DOCK10: variants seen among roughly 807,000 people sequenced by gnomAD.
DOCK10 encodes the protein dedicator of cytokinesis protein 10.
Under a neutral mutation model 280.1 loss-of-function variants are expected in DOCK10, and 145 were observed. That is an observed-to-expected ratio of 0.52 (90% CI 0.45 to 0.59). DOCK10 has a LOEUF of 0.59. Ranked by LOEUF, DOCK10 falls within the 20% of genes least tolerant of loss-of-function variation. The probability of loss-of-function intolerance (pLI) is 0.00; values close to 1 mark genes in which losing one functional copy is unlikely to be tolerated. For missense variants in DOCK10, 2,368 were observed against 2,651.7 expected (o/e 0.89, Z 2.35); for synonymous variants, 915 against 942.2 (o/e 0.97, Z 0.53).
chr2:224,986,995 T>C (rs1422517318), intron 1 of DOCK10, among the ~76,000 whole-genome samples: 1 of 152,180 alleles, frequency 6.6e-6, no homozygotes, highest in Non-Finnish European at 1.5e-5. Context: ...AGGAGTCACC[T>C]TTGAAGTATC....
At chr2:224,936,509 A>G (rs985166119) in intron 1 of DOCK10, among the ~76,000 whole-genome samples, 3 of 152,174 alleles carry the variant, frequency 2.0e-5, no homozygotes, top group African/African-American at 7.2e-5. Flanking sequence ...GAAACAGTAA[A>G]TCATCATGGG....
chr2:224,770,527 C>A lies in DOCK10; in HGVS notation c.6305+18G>T. Reference sequence around the variant, plus strand: ...TCAGGAAGTTCAAGGAAGAACATCCCAACAGCGAGAAGCTTACCTGAAGAT... The same window carrying A: ...TCAGGAAGTTCAAGGAAGAACATCCAAACAGCGAGAAGCTTACCTGAAGAT... On this transcript the variant is annotated intron_variant, in intron 54 of 55. Coordinates refer to ENST00000258390, the MANE Select transcript of DOCK10 (RefSeq NM_014689.3). The surrounding 1 kb of genome is among the most constrained non-coding windows in gnomAD (Gnocchi z 4.5). The A allele has an allele frequency of 6.2e-7, 1 of 1,605,258 alleles. No homozygotes were observed. Among genetic ancestry groups the A allele is most frequent in the East Asian group, 2.2e-5 (1 of 44,818 alleles).
Position 224,819,508 on chromosome 2 carries a change from G to A in DOCK10, c.3205C>T (p.Arg1069Ter), listed in dbSNP as rs920286295. 6.2e-6 allele frequency: 10 copies of A among 1,605,432 alleles called. No individual in the cohort carries two copies. Among genetic ancestry groups the A allele is most frequent in the Non-Finnish European group, 6.0e-6 (7 of 1,176,190 alleles). Residue 1069 changes from arginine to a stop codon, truncating the protein, a stop_gained, in exon 29 of 56, where the codon CGA (arginine) becomes TGA (stop). Transcript: ENST00000258390. LOFTEE classifies it high-confidence loss of function. ...TTGACCATCTTAAACACATACCCTC[G>A]GTCCATAAATGTAAAGCAGCGCTAA... ...FLKRCFTFMD[R>*]GYVFKMVNNY...
At chr2:224,995,579 G>T (rs983532653) in intron 1 of DOCK10, among the ~76,000 whole-genome samples, 1 of 152,170 alleles carries the variant, frequency 6.6e-6, no homozygotes, top group African/African-American at 2.4e-5. Flanking sequence ...CGTAGCATAG[G>T]TGTCCACAGG....
chr2:224,894,623 G>A (rs963560231), intron 4 of DOCK10, among the ~76,000 whole-genome samples: 3 of 152,176 alleles, frequency 2.0e-5, no homozygotes, highest in African/African-American at 7.2e-5. Flanking sequence ...CTTAGGGTGT[G>A]GTAAACCTTC....
At chr2:224,771,929 T>A (rs548240192) in intron 53 of DOCK10, among the ~76,000 whole-genome samples, 3 of 151,980 alleles carry the variant, frequency 2.0e-5, no homozygotes, top group South Asian at 2.1e-4. Context: ...TTTTTTTTTT[T>A]TTATTTTTTG....
intron 1 of DOCK10, among the ~76,000 whole-genome samples, chr2:225,015,479 G>A (rs1007954057): frequency 6.6e-6 from 1 of 152,128 alleles, no homozygotes; most frequent in African/African-American, 2.4e-5. Context: ...TTCCTCATAT[G>A]TTCTGGGGTT....
intron 1 of DOCK10, among the ~76,000 whole-genome samples, chr2:225,036,031 C>T (rs964658556): frequency 6.6e-6 from 1 of 152,000 alleles, no homozygotes; most frequent in South Asian, 2.1e-4. Context: ...AGGACACAAA[C>T]GTTTAGTTCA....
chr2:224,959,295 C>T (rs748032388), intron 1 of DOCK10, among the ~76,000 whole-genome samples: 51 of 152,020 alleles, frequency 3.4e-4, no homozygotes, highest in Non-Finnish European at 1.0e-4. Flanking sequence ...AAACAGTAAT[C>T]TTTCTGGACT....
intron 22 of DOCK10, among the ~76,000 whole-genome samples, chr2:224,843,659 T>C (rs1050823263): frequency 6.6e-6 from 1 of 152,022 alleles, no homozygotes; most frequent in East Asian, 1.9e-4. Context: ...AAGCAAAAAA[T>C]GAAAAGCAGA....
intron 33 of DOCK10, chr2:224,807,110 G>GT (rs1553570837): frequency 1.3e-5 from 2 of 151,686 alleles, no homozygotes; most frequent in Non-Finnish European, 2.9e-5. Context: ...TTTGAAAAAG[G>GT]TAAAAAAAAA....
chr2:224,991,758 A>C (rs1377112803), intron 1 of DOCK10, among the ~76,000 whole-genome samples: 1 of 152,194 alleles, frequency 6.6e-6, no homozygotes, highest in African/African-American at 2.4e-5. Context: ...CAATCTGAGA[A>C]AATGGAAAAC....
intron 11 of DOCK10, among the ~76,000 whole-genome samples, chr2:224,871,116 C>T (rs749780116): frequency 5.3e-5 from 8 of 152,070 alleles, no homozygotes; most frequent in Non-Finnish European, 7.4e-5. Context: ...TGTGAGCCAC[C>T]GTGCCTGGCC....
intron 1 of DOCK10, among the ~76,000 whole-genome samples, chr2:224,959,537 A>C (rs1396808488): frequency 1.3e-5 from 2 of 151,980 alleles, no homozygotes; most frequent in Non-Finnish European, 2.9e-5. Context: ...TGATGCACCC[A>C]AAAAGATGCT....
chr2:224,772,369 C>T (rs1453749270), intron 53 of DOCK10, among the ~76,000 whole-genome samples: 2 of 152,168 alleles, frequency 1.3e-5, no homozygotes, highest in African/African-American at 2.4e-5. Context: ...TCCTGAGTTG[C>T]TTGGAGCTCC....
chr2:224,864,939 G>A lies in DOCK10; in HGVS notation c.1406C>T (p.Thr469Ile). The A allele has an allele frequency of 6.2e-7, 1 of 1,613,824 alleles. No homozygotes were observed. Among genetic ancestry groups the A allele is most frequent in the South Asian group, 1.1e-5 (1 of 91,078 alleles). Residue 469 changes from threonine (T) to isoleucine (I), a missense_variant, in exon 12 of 56, where the codon ACC becomes ATC. Physicochemically the swap from Thr to Ile is moderately conservative, Grantham distance 89 (BLOSUM62 -1). This residue lies in a region of DOCK10 where 1,209 missense variants were observed against 1,250.9 expected (regional missense o/e 0.97). Transcript: ENST00000258390. ...SVALENGNID[T>I]ITPRQSEEPH... Reference sequence around the variant, plus strand: ...TTCTTCTGATTGTCTTGGAGTGATGGTGTCGATGTTGCCATTTTCCAAAGC... The same window carrying A: ...TTCTTCTGATTGTCTTGGAGTGATGATGTCGATGTTGCCATTTTCCAAAGC...
intron 1 of DOCK10, among the ~76,000 whole-genome samples, chr2:224,953,213 C>T (rs1394647763): frequency 6.6e-6 from 1 of 152,218 alleles, no homozygotes; most frequent in Admixed American, 6.5e-5. Context: ...TATCTTTATT[C>T]CAAGTTTTTT....
At chr2:224,989,289 G>A (rs1706064803) in intron 1 of DOCK10, among the ~76,000 whole-genome samples, 1 of 152,144 alleles carries the variant, frequency 6.6e-6, no homozygotes, top group African/African-American at 2.4e-5. Flanking sequence ...GTCATGTGAT[G>A]GGAAGAAACA....
intron 50 of DOCK10, chr2:224,784,703 T>A (rs112606595): frequency 0.042 from 54,605 of 1,289,256 alleles, 1,260 homozygotes; most frequent in Middle Eastern, 0.1. Context: ...TGTTAGAGCA[T>A]GCAAATGGAG....
Sources: allele counts gnomAD v4.1 joint callset (sites outside exome capture counted in the v4.1 genomes callset), GRCh38; gene constraint gnomAD v4.1.1; regional missense constraint gnomAD v4.1.1; non-coding constraint Gnocchi (gnomAD v3.1); transcripts MANE v1.5; gene names NCBI Gene and HGNC (gene_info 2026-07-23, HGNC 2026-07-21).